Variants in HECTD3 observed in about 807,000 individuals in gnomAD.
HECTD3 encodes the protein E3 ubiquitin-protein ligase HECTD3.
HECTD3 carries 72 observed loss-of-function variants against 109.3 expected under a neutral mutation model. The observed-to-expected ratio is 0.66, with a 90% CI of 0.54 to 0.80. HECTD3 has a LOEUF of 0.80. HECTD3 is among the 30% of genes least tolerant of loss of function. The probability of loss-of-function intolerance (pLI) is 0.00; values close to 1 mark genes in which losing one functional copy is unlikely to be tolerated. For missense variants in HECTD3, 1,041 were observed against 1,165.2 expected, an observed-to-expected ratio of 0.89 and a Z score of 1.55; for synonymous variants, 481 against 471.8, an observed-to-expected ratio of 1.02 and a Z score of -0.25.
intron 4 of HECTD3, 128 bp downstream of exon 4, chr1:45,009,858 A>G: frequency 8.1e-7 from 1 of 1,233,118 alleles, no homozygotes; most frequent in Non-Finnish European, 1.1e-6. Flanking sequence ...CAAGATGGGG[A>G]GCTGAACTGA....
At chr1:45,005,694 G>T in intron 15 of HECTD3, 100 bp downstream of exon 15, 2 of 918,834 alleles carry the variant, frequency 2.2e-6, no homozygotes, top group Non-Finnish European at 3.3e-6. Flanking sequence ...ATTGGAGAGG[G>T]ATCTTGTGTG....
rs1330564618 is a variant in HECTD3 at position 45,006,305 on chromosome 1, T to G, written c.1726-189A>C. ...AACTCAGTCCCTCCTCTGCCCTATT[T>G]CTATTTTTTTTTTTTTTTGAGACAG... is the stretch of plus-strand genomic sequence containing the variant. On this transcript the variant is annotated intron_variant, in intron 13 of 20. Coordinates refer to ENST00000372172, the MANE Select transcript of HECTD3 (RefSeq NM_024602.6). This position sits in a 1 kb window ranked among gnomAD's most constrained non-coding sequence, Gnocchi z 4.7. 14 of 573,252 alleles carry G rather than the reference T, an allele frequency of 2.4e-5. No homozygotes were observed. The highest frequency in any genetic ancestry group is 3.7e-5 in the Non-Finnish European group (13 of 347,888). 35.5% of individuals were successfully genotyped at this position (573,252 alleles called of 1,614,324 possible). A position where few individuals can be genotyped will look rare whatever the true frequency, so the allele number is the denominator to read the frequency against.
intron 2 of HECTD3, 119 bp from the exon 3 acceptor site, chr1:45,010,412 A>T: frequency 6.9e-7 from 1 of 1,457,240 alleles, no homozygotes; most frequent in East Asian, 2.3e-5. Context: ...AGCCCCCTTC[A>T]CGTCCCGCCC....
intron 18 of HECTD3, 28 bp downstream of exon 18, chr1:45,004,032 A>G (rs779036061): frequency 6.2e-6 from 10 of 1,613,690 alleles, no homozygotes; most frequent in Admixed American, 1.7e-5. Context: ...GTCCAAACCC[A>G]GGTGTCACCC....
Position 45,011,237 on chromosome 1 carries a change from G to A in HECTD3, c.21C>T (p.Gly7=). 1.4e-6 allele frequency: 2 copies of A among 1,381,346 alleles called. No individual in the cohort carries two copies. Among genetic ancestry groups the A allele is most frequent in the Non-Finnish European group, 1.9e-6 (2 of 1,075,942 alleles). The allele number at this position is 1,381,346 out of a possible 1,614,324, so 85.6% of individuals were successfully genotyped here. A position where few individuals can be genotyped will look rare whatever the true frequency, so the allele number is the denominator to read the frequency against. ...GCTGCCGGGGGGACTCCAGCACCGC[G>A]CCCGGGCCAGGACCCGCCATGGCGA... MAGPGP[G]AVLESPRQLL... Residue 7 remains glycine (G), a synonymous_variant, in exon 1 of 21, where the codon GGC becomes GGT. Coordinates refer to ENST00000372172, the MANE Select transcript of HECTD3 (RefSeq NM_024602.6).
rs756116609 is a variant in HECTD3, at chr1:45,008,341, T to G, written c.1239-20A>C. 5 of 1,602,024 alleles carry G rather than the reference T, an allele frequency of 3.1e-6. No homozygotes were observed. The African/African-American group carries it at 6.7e-5, about 21-fold the overall frequency. On this transcript the variant is annotated intron_variant, in intron 8 of 20. Transcript: ENST00000372172. Reference sequence around the variant, plus strand: ...ATGAATCTGGCATGGGTAGATAGACTGCAGCTAAAGAGTTTAGCATACCTG... The same window carrying G: ...ATGAATCTGGCATGGGTAGATAGACGGCAGCTAAAGAGTTTAGCATACCTG...
Position 45,009,349 on chromosome 1 carries a change from C to A in HECTD3, c.989+20G>T. The A allele has an allele frequency of 6.3e-7, 1 of 1,591,042 alleles. No individual in the cohort carries two copies. Among genetic ancestry groups the A allele is most frequent in the East Asian group, 2.2e-5 (1 of 44,754 alleles). ...GGCTTGGAACATGCCCTACTTCCCT[C>A]CCCAGGCCAGCGTGCTCACTCGTCA... On this transcript the variant is annotated intron_variant, in intron 6 of 20. Transcript: ENST00000372172.
chr1:45,007,970 G>GT (rs2148977892), intron 9 of HECTD3, among the ~76,000 whole-genome samples: 1 of 152,244 alleles, frequency 6.6e-6, no homozygotes, highest in East Asian at 1.9e-4. Context: ...TGAGCTGCTG[G>GT]TAACTCCCTG....
Position 45,010,106 on chromosome 1 carries a change from T to C in HECTD3, c.639A>G (p.Thr213=), listed in dbSNP as rs779444949. 4.4e-6 allele frequency: 7 copies of C among 1,606,524 alleles called. No individual in the cohort carries two copies. The highest frequency in any genetic ancestry group is 1.7e-5 in the Admixed American group (1 of 59,840). The part of the protein sequence containing the change: ...AVQRLLYVPP[T]WTYECDEDLI... The stretch of plus-strand genomic sequence containing the variant: ...GGTCCTCGTCGCACTCGTAGGTCCA[T>C]GTCGGGGGTACATAGCTAAGCAACC... The change falls in exon 4 of 21, where the codon ACA becomes ACG. Residue 213 remains threonine (T), a synonymous_variant. Coordinates refer to ENST00000372172, the MANE Select transcript of HECTD3 (RefSeq NM_024602.6).
intron 1 of HECTD3, 70 bp from the exon 2 acceptor site, chr1:45,010,776 G>A (rs1172804144): frequency 5.3e-6 from 8 of 1,511,096 alleles, no homozygotes; most frequent in Non-Finnish European, 7.0e-6. Context: ...CCAGCCCAGG[G>A]CAAAGGGCGC....
rs952009742 is a variant in HECTD3, at chr1:45,006,408, C to T, written c.1725+284G>A. Among the ~76,000 whole-genome samples, 3 of 151,756 alleles carry T rather than the reference C, an allele frequency of 2.0e-5. No homozygotes were observed. The highest frequency in any genetic ancestry group is 4.8e-5 in the African/African-American group (2 of 41,410). ...GCAACCTCCGTCTCCTGGGTTCAAGCGAGTCGCCTGCTTCAGCCTCCCATG... is the reference window on the plus strand; with the variant it reads ...GCAACCTCCGTCTCCTGGGTTCAAGTGAGTCGCCTGCTTCAGCCTCCCATG... On this transcript the variant is annotated intron_variant, in intron 13 of 20. Coordinates refer to ENST00000372172, the MANE Select transcript of HECTD3 (RefSeq NM_024602.6). This position sits in a 1 kb window ranked among gnomAD's most constrained non-coding sequence, Gnocchi z 4.7.
intron 1 of HECTD3, 81 bp from the exon 2 acceptor site, chr1:45,010,787 C>G: frequency 2.0e-6 from 3 of 1,511,340 alleles, no homozygotes; most frequent in Non-Finnish European, 2.6e-6. Flanking sequence ...CAAAGGGCGC[C>G]GAACGCAATG....
chr1:45,011,029 C>G lies in HECTD3; in HGVS notation c.229G>C (p.Ala77Pro). The change falls in exon 1 of 21, where the codon GCC becomes CCC. Residue 77 changes from alanine (A) to proline (P), a missense_variant. Ala to Pro is a conservative substitution (Grantham distance 27). Transcript: ENST00000372172. ...EAEGLGLRVG[A>P]AGPAPGTGSG... ...CCGGTACCGGGGGCTGGGCCTGCGG[C>G]GCCCACACGCAGCCCCAGGCCCTCT... is the stretch of plus-strand genomic sequence containing the variant. The G allele has an allele frequency of 7.0e-7, 1 of 1,418,630 alleles. No individual in the cohort carries two copies. The highest frequency in any genetic ancestry group is 9.1e-7 in the Non-Finnish European group (1 of 1,093,332). The allele number at this position is 1,418,630 out of a possible 1,614,324, so 87.9% of individuals were successfully genotyped here. A position where few individuals can be genotyped will look rare whatever the true frequency, so the allele number is the denominator to read the frequency against.
Position 45,004,026 on chromosome 1 carries a change from A to C in HECTD3, c.2347+34T>G, listed in dbSNP as rs749495860. On this transcript the variant is annotated intron_variant, in intron 18 of 20. Transcript: ENST00000372172. ...CCTCTGCAACTCAGCAGCAGAGTCC[A>C]AACCCAGGTGTCACCCTGCCCTCCT... is the stretch of plus-strand genomic sequence containing the variant. 8 of 1,613,592 alleles carry C rather than the reference A, an allele frequency of 5.0e-6. No homozygotes were observed. In the East Asian group the frequency reaches 1.3e-4, roughly 27 times the overall value.
Position 45,009,464 on chromosome 1 carries a change from C to T in HECTD3, c.894G>A (p.Val298=). 1.2e-6 allele frequency: 2 copies of T among 1,614,050 alleles called. No individual in the cohort carries two copies. Among genetic ancestry groups the T allele is most frequent in the Non-Finnish European group, 1.7e-6 (2 of 1,179,918 alleles). The part of the protein sequence containing the change: ...GTIVKKLLLT[V]DTTDDNFMPK... Reference sequence around the variant, plus strand: ...GCATAAAGTTGTCATCTGTGGTATCCACTGTGAGTAGCAGCTTCCTGAAGG... The same window carrying T: ...GCATAAAGTTGTCATCTGTGGTATCTACTGTGAGTAGCAGCTTCCTGAAGG... The change falls in exon 6 of 21, where the codon GTG becomes GTA. Residue 298 remains valine, a synonymous_variant. Transcript: ENST00000372172.
In HECTD3 at chr1:45,006,825, C is replaced by A. The variant is rs1408805351; in HGVS notation, c.1622-30G>T. On this transcript the variant is annotated intron_variant, in intron 12 of 20. Transcript: ENST00000372172. The surrounding 1 kb of genome is among the most constrained non-coding windows in gnomAD (Gnocchi z 4.7). ...AATGACAGATGCCCTCAGCTGGGCA[C>A]TCAAGAGCCCAGCTCCCATAATGGG... The A allele has an allele frequency of 1.2e-6, 2 of 1,603,894 alleles. No homozygotes were observed. The highest frequency in any genetic ancestry group is 4.5e-5 in the East Asian group (2 of 44,838).
In HECTD3 at chr1:45,007,523, T is replaced by C. The variant is rs772154513; in HGVS notation, c.1393A>G (p.Ser465Gly). The change falls in exon 10 of 21, where the codon AGC becomes GGC. Residue 465 changes from serine (S) to glycine (G), a missense_variant. Physicochemically the swap from Ser to Gly is moderately conservative, Grantham distance 56. Coordinates refer to ENST00000372172, the MANE Select transcript of HECTD3 (RefSeq NM_024602.6). ...CGTGGCATGAAGCTGGGCTTGCTGC[T>C]CTCAGAGTCACGCAGGCACTGAGCC... ...LVAQCLRDSE[S>G]SKPSFMPRLY... The C allele has an allele frequency of 2.5e-6, 4 of 1,614,020 alleles. No individual in the cohort carries two copies. Among genetic ancestry groups the C allele is most frequent in the Non-Finnish European group, 3.4e-6 (4 of 1,180,012 alleles).
chr1:45,009,059 C>A, intron 7 of HECTD3, 85 bp downstream of exon 7: 1 of 1,131,704 alleles, frequency 8.8e-7, no homozygotes, highest in Non-Finnish European at 1.3e-6. Flanking sequence ...ACTCCAAGCC[C>A]ATCCTCTTCT....
chr1:45,006,567 G>A lies in HECTD3; in HGVS notation c.1725+125C>T, dbSNP rs1027663995. 1.7e-5 allele frequency: 13 copies of A among 761,094 alleles called. No individual in the cohort carries two copies. The African/African-American group carries it at 2.3e-4, about 13-fold the overall frequency. The allele number at this position is 761,094 out of a possible 1,614,324, so 47.1% of individuals were successfully genotyped here. ...TCTGCCCGCCTCGGCTTCCCAAAGT[G>A]CTGGGATTACAGGCGTGAGCCACTG... On this transcript the variant is annotated intron_variant, in intron 13 of 20. Transcript: ENST00000372172. The surrounding 1 kb of genome is among the most constrained non-coding windows in gnomAD (Gnocchi z 4.7).
Sources: gnomAD v4.1 joint callset for allele counts (sites outside exome capture counted in the v4.1 genomes callset) on GRCh38, gnomAD v4.1.1 for gene constraint, Gnocchi (gnomAD v3.1) non-coding constraint, MANE v1.5 for transcripts, NCBI Gene and HGNC (gene_info 2026-07-23, HGNC 2026-07-21) for gene names.